DOCK3: variants seen among roughly 807,000 people sequenced by gnomAD.
DOCK3 encodes dedicator of cytokinesis protein 3.
DOCK3 carries 60 observed loss-of-function variants against 265.6 expected under a neutral mutation model. The observed-to-expected ratio is 0.23, with a 90% CI of 0.18 to 0.28. The LOEUF (loss-of-function observed/expected upper bound fraction) is 0.28. DOCK3 is among the 10% of genes least tolerant of loss of function. The pLI is 1.00. For synonymous variants in DOCK3, 881 were observed against 938.0 expected (o/e 0.94, Z 1.11); for missense variants, 1,981 against 2,594.3 (o/e 0.76, Z 5.14).
chr3:50,920,848 CAATTTT>C (rs770259142), intron 4 of DOCK3, among the ~76,000 whole-genome samples: 40 of 152,086 alleles, frequency 2.6e-4, no homozygotes, highest in Non-Finnish European at 4.0e-4. Context: ...GTTAGGGTGT[CAATTTT>C]AGATCTTTCC....
chr3:51,092,920 A>G (rs1265510711), intron 9 of DOCK3, among the ~76,000 whole-genome samples: 1 of 152,158 alleles, frequency 6.6e-6, no homozygotes, highest in African/African-American at 2.4e-5. Flanking sequence ...TCCCGACACC[A>G]TTTATTAAAT....
At chr3:51,237,452 C>T (rs1560261651) in intron 20 of DOCK3, 38 bp from the exon 21 acceptor site, 3 of 1,547,578 alleles carry the variant, frequency 1.9e-6, no homozygotes, top group South Asian at 1.1e-5. Context: ...TCTGAGGCCT[C>T]CAGTGAACCC....
chr3:50,994,475 C>T (rs2078212749), intron 5 of DOCK3, among the ~76,000 whole-genome samples: 1 of 152,116 alleles, frequency 6.6e-6, no homozygotes, highest in Admixed American at 6.5e-5. Context: ...GGTGTGATGT[C>T]AAAGTTGTGC....
At chr3:50,907,010 T>C (rs1471195963) in intron 4 of DOCK3, among the ~76,000 whole-genome samples, 2 of 152,136 alleles carry the variant, frequency 1.3e-5, no homozygotes, top group African/African-American at 2.4e-5. Flanking sequence ...CATTTTGTTA[T>C]GTACCCAGTA....
intron 9 of DOCK3, among the ~76,000 whole-genome samples, chr3:51,121,321 C>T (rs1300350833): frequency 6.6e-6 from 1 of 152,144 alleles, no homozygotes; most frequent in Non-Finnish European, 1.5e-5. Context: ...ATGGGCTACA[C>T]CCACTGTGTA....
At chr3:51,150,510 G>A (rs982635492) in intron 10 of DOCK3, among the ~76,000 whole-genome samples, 1 of 152,186 alleles carries the variant, frequency 6.6e-6, no homozygotes, top group Non-Finnish European at 1.5e-5. Flanking sequence ...TGCTTTGAAT[G>A]TGTCCCAGAG....
At chr3:51,312,435 G>A (rs1222786121) in intron 29 of DOCK3, 41 bp from the exon 30 acceptor site, 1 of 1,560,146 alleles carries the variant, frequency 6.4e-7, no homozygotes, top group Non-Finnish European at 8.8e-7. Context: ...ACAAGATTAA[G>A]TTCTTAGACT....
chr3:50,928,427 A>G (rs1575553619), intron 4 of DOCK3, among the ~76,000 whole-genome samples: 1 of 152,246 alleles, frequency 6.6e-6, no homozygotes, highest in South Asian at 2.1e-4. Context: ...GGCATATTTC[A>G]CTAGCATAGT....
At chr3:51,249,218 C>CCCGG (rs2079030719) in intron 22 of DOCK3, among the ~76,000 whole-genome samples, 1 of 134,614 alleles carries the variant, frequency 7.4e-6, no homozygotes, top group Non-Finnish European at 1.6e-5. Context: ...CAGCCCCCCG[C>CCCGG]CCGGCCAGCC....
rs186408594 is a variant in DOCK3 at position 51,037,346 on chromosome 3, G to C, written c.316-27102G>C. Among the ~76,000 whole-genome samples, 330 of 151,942 alleles carry C rather than the reference G, an allele frequency of 2.2e-3. 12 individuals carry two copies. In the South Asian group the frequency reaches 0.066, roughly 30 times the overall value. ...GTTTTTGGGGAACAGGTGGTATTTG[G>C]TTACATGAGTTAGTTCTTTATTGGT... On this transcript the variant is annotated intron_variant, in intron 5 of 52. Transcript: ENST00000266037.
At chr3:51,209,559 A>C (rs1247616893) in intron 13 of DOCK3, among the ~76,000 whole-genome samples, 1 of 152,214 alleles carries the variant, frequency 6.6e-6, no homozygotes, top group East Asian at 1.9e-4. Context: ...TTTACGCAGA[A>C]CCAGGTTACT....
chr3:51,187,783 A>T (rs2087705076), intron 12 of DOCK3, among the ~76,000 whole-genome samples: 1 of 137,182 alleles, frequency 7.3e-6, no homozygotes, highest in African/African-American at 2.8e-5. Context: ...CTGCTGCCAT[A>T]CTTGTAAGAT....
At chr3:51,167,750 G>T (rs1163862545) in intron 12 of DOCK3, among the ~76,000 whole-genome samples, 2 of 152,008 alleles carry the variant, frequency 1.3e-5, no homozygotes, top group Non-Finnish European at 2.9e-5. Flanking sequence ...TGGAGAGCTT[G>T]TCATTAGTAT....
intron 4 of DOCK3, among the ~76,000 whole-genome samples, chr3:50,921,335 C>G (rs548992061): frequency 4.6e-5 from 7 of 152,264 alleles, no homozygotes; most frequent in African/African-American, 1.7e-4. Context: ...TCCACTTGAT[C>G]AAATTGGCTG....
chr3:51,129,591 A>T (rs1000538899), intron 9 of DOCK3, among the ~76,000 whole-genome samples: 1 of 152,204 alleles, frequency 6.6e-6, no homozygotes, highest in Non-Finnish European at 1.5e-5. Flanking sequence ...CCAGCTCATG[A>T]TAGGCCATTG....
At chr3:51,307,534 T>G (rs879737914) in intron 27 of DOCK3, among the ~76,000 whole-genome samples, 2 of 152,176 alleles carry the variant, frequency 1.3e-5, no homozygotes, top group African/African-American at 2.4e-5. Flanking sequence ...AATCAATAAC[T>G]CTCCGCATTT....
In DOCK3 at chr3:50,675,895, A is replaced by T. The variant is rs1427564652; in HGVS notation, c.37+595A>T. On this transcript the variant is annotated intron_variant, in intron 1 of 52. Coordinates refer to ENST00000266037, the MANE Select transcript of DOCK3 (RefSeq NM_004947.5). The surrounding 1 kb of genome is among the most constrained non-coding windows in gnomAD (Gnocchi z 6.1). ...TCAATGTTTATACGGTTTTTTTTTT[A>T]AACCCTGTTTTCAGATGAGACCTTA... is the stretch of plus-strand genomic sequence containing the variant. Among the ~76,000 whole-genome samples the T allele has an allele frequency of 4.6e-5, 7 of 151,728 alleles. No individual in the cohort carries two copies. Among genetic ancestry groups the T allele is most frequent in the Admixed American group, 1.3e-4 (2 of 15,238 alleles).
At chr3:51,201,765 G>A (rs1241323160) in intron 12 of DOCK3, among the ~76,000 whole-genome samples, 1 of 152,030 alleles carries the variant, frequency 6.6e-6, no homozygotes, top group East Asian at 1.9e-4. Context: ...TGACCACATA[G>A]TTGGAAGAAA....
intron 4 of DOCK3, among the ~76,000 whole-genome samples, chr3:50,923,618 A>G (rs2050617264): frequency 6.6e-6 from 1 of 152,192 alleles, no homozygotes; most frequent in African/African-American, 2.4e-5. Flanking sequence ...GAGGAGGGGA[A>G]AAGTCAATGA....
Sources: allele counts gnomAD v4.1 joint callset (sites outside exome capture counted in the v4.1 genomes callset), GRCh38; gene constraint gnomAD v4.1.1; non-coding constraint Gnocchi (gnomAD v3.1); transcripts MANE v1.5; gene names NCBI Gene and HGNC (gene_info 2026-07-23, HGNC 2026-07-21).